Variants in PRIM2 observed in about 807,000 individuals in gnomAD.
PRIM2 encodes the protein DNA primase subunit 2.
Under a neutral mutation model 67.3 loss-of-function variants are expected in PRIM2, and 39 were observed. That is an observed-to-expected ratio of 0.58 (90% CI 0.45 to 0.76). The LOEUF is 0.76. Ranked by LOEUF, PRIM2 falls within the 30% of genes least tolerant of loss-of-function variation. The probability of loss-of-function intolerance (pLI) is 0.00; values close to 1 mark genes in which losing one functional copy is unlikely to be tolerated. For missense variants in PRIM2, 398 were observed against 598.7 expected, an observed-to-expected ratio of 0.66 and a Z score of 3.50; for synonymous variants, 143 against 198.7, an observed-to-expected ratio of 0.72 and a Z score of 2.36.
chr6:57,246,900 G>A, the PRIM2 span, among the ~76,000 whole-genome samples: 1 of 151,292 alleles, frequency 6.6e-6, no homozygotes. Context: ...TGTCGCCCAG[G>A]CTAGAGTGCG....
the PRIM2 span, among the ~76,000 whole-genome samples, chr6:57,299,379 C>G: frequency 6.6e-6 from 1 of 152,118 alleles, no homozygotes; most frequent in African/African-American, 2.4e-5. Context: ...GAAAAAAGGT[C>G]TTTCCCAACC....
intron 9 of PRIM2, among the ~76,000 whole-genome samples, chr6:57,533,507 CAGT>C (rs1581974413): frequency 6.6e-6 from 1 of 152,216 alleles, no homozygotes. Context: ...CTAGAAATAA[CAGT>C]AGGGTTGCCT....
intron 5 of PRIM2, among the ~76,000 whole-genome samples, chr6:57,331,879 T>C (rs1371500072): frequency 1.3e-5 from 2 of 151,944 alleles, no homozygotes; most frequent in African/African-American, 4.8e-5. Flanking sequence ...TTCTGTGTTA[T>C]TCTCTAGACT....
intron 7 of PRIM2, among the ~76,000 whole-genome samples, chr6:57,466,798 C>G (rs1425279293): frequency 6.6e-6 from 1 of 152,146 alleles, no homozygotes; most frequent in Admixed American, 6.5e-5. Context: ...GTTTCTTTTG[C>G]TGTGCAGAAG....
At chr6:57,462,723 G>C (rs1773048674) in intron 7 of PRIM2, among the ~76,000 whole-genome samples, 1 of 152,124 alleles carries the variant, frequency 6.6e-6, no homozygotes, top group Non-Finnish European at 1.5e-5. Context: ...TTGTGATATG[G>C]CTAATGTGCG....
At chr6:57,440,925 C>T (rs1027108200) in intron 7 of PRIM2, among the ~76,000 whole-genome samples, 1 of 152,092 alleles carries the variant, frequency 6.6e-6, no homozygotes, top group Non-Finnish European at 1.5e-5. Context: ...TATAGCAGAA[C>T]AGAAATTATG....
At chr6:57,339,610 A>T (rs2127292541) in intron 5 of PRIM2, among the ~76,000 whole-genome samples, 3 of 152,304 alleles carry the variant, frequency 2.0e-5, no homozygotes, top group African/African-American at 7.2e-5. Context: ...TGGGGAAAGG[A>T]TTCCCTATTT....
At chr6:57,609,556 A>T (rs1221721380) in intron 12 of PRIM2, among the ~76,000 whole-genome samples, 24 of 152,314 alleles carry the variant, frequency 1.6e-4, no homozygotes, top group Middle Eastern at 3.4e-3. Flanking sequence ...CAAGAAAATT[A>T]ATGTTTATAG....
Position 57,462,928 on chromosome 6 carries a change from G to A in PRIM2, c.694-44459G>A, listed in dbSNP as rs4990712. ...GAGAGCTGTTAAAACAAATGTAGTC[G>A]GACATCCCCTGCTACGTGCTACTCT... On this transcript the variant is annotated intron_variant, in intron 7 of 13. Transcript: ENST00000615550. 1.3e-3 allele frequency among the ~76,000 whole-genome samples: 192 copies of A among 152,268 alleles called. 5 individuals are homozygous for A. In the East Asian group the frequency reaches 0.016, roughly 13 times the overall value.
At chr6:57,639,620 A>ACACCT (rs1554359324) in intron 13 of PRIM2, among the ~76,000 whole-genome samples, 97 of 77,924 alleles carry the variant, frequency 1.2e-3, no homozygotes, top group South Asian at 3.2e-3. Flanking sequence ...AATACTGTAA[A>ACACCT]CTAGAAAGTT....
At chr6:57,240,091 G>GT in the PRIM2 span, among the ~76,000 whole-genome samples, 86 of 90,004 alleles carry the variant, frequency 9.6e-4, 2 homozygotes, top group Non-Finnish European at 1.3e-3. Flanking sequence ...TCAATAATCT[G>GT]TTTTTTTTTT....
chr6:57,328,485 A>G (rs1220251816), intron 5 of PRIM2, among the ~76,000 whole-genome samples: 4 of 152,174 alleles, frequency 2.6e-5, no homozygotes, highest in African/African-American at 7.2e-5. Context: ...ACTTAGCATA[A>G]TATTTTCAAG....
At chr6:57,403,900 A>G (rs531986785) in intron 7 of PRIM2, among the ~76,000 whole-genome samples, 1 of 150,064 alleles carries the variant, frequency 6.7e-6, no homozygotes, top group East Asian at 1.9e-4. Context: ...TCAACAACAG[A>G]CTTTTGTCAT....
chr6:57,643,771 A>C (rs1309111872), intron 13 of PRIM2, among the ~76,000 whole-genome samples: 2 of 152,346 alleles, frequency 1.3e-5, no homozygotes, highest in East Asian at 3.9e-4. Context: ...TAAAAAAATG[A>C]AGCAAAGATA....
Position 57,374,303 on chromosome 6 carries a change from A to T in PRIM2, c.460-5598A>T, listed in dbSNP as rs191492456. On this transcript the variant is annotated intron_variant, in intron 5 of 13. Transcript: ENST00000615550. The stretch of plus-strand genomic sequence containing the variant: ...TATTTATTTATTTATTTATTTATTT[A>T]TTTTTTTTGAGACGGAGTTTCGCTC... Among the ~76,000 whole-genome samples the T allele has an allele frequency of 4.5e-3, 629 of 139,672 alleles. 3 individuals are homozygous for T. The highest frequency in any genetic ancestry group is 8.4e-3 in the South Asian group (36 of 4,288). The allele number at this position is 139,672 out of a possible 152,430, so 91.6% of individuals were successfully genotyped here. A position where few individuals can be genotyped will look rare whatever the true frequency, so the allele number is the denominator to read the frequency against.
At chr6:57,600,980 G>C (rs2127491416) in intron 10 of PRIM2, 113 bp from the exon 11 acceptor site, 3 of 977,004 alleles carry the variant, frequency 3.1e-6, no homozygotes, top group East Asian at 5.8e-5. Flanking sequence ...CGTGAATGCT[G>C]AGTTTATTCT....
chr6:57,238,993 A>C, the PRIM2 span, among the ~76,000 whole-genome samples: 2 of 148,390 alleles, frequency 1.3e-5, no homozygotes, highest in Admixed American at 1.3e-4. Context: ...TTCTTTTTTT[A>C]TTTTTTTTTT....
chr6:57,515,877 C>A (rs1191372543), intron 8 of PRIM2, among the ~76,000 whole-genome samples: 3 of 152,178 alleles, frequency 2.0e-5, no homozygotes, highest in Admixed American at 1.3e-4. Context: ...GTCAGCAAGG[C>A]TTTTATATTC....
chr6:57,369,821 T>C (rs1188854577), intron 5 of PRIM2, among the ~76,000 whole-genome samples: 1 of 152,214 alleles, frequency 6.6e-6, no homozygotes, highest in Non-Finnish European at 1.5e-5. Flanking sequence ...GACAAGTTTA[T>C]AGAAACTGCA....
Sources: allele counts gnomAD v4.1 joint callset (sites outside exome capture counted in the v4.1 genomes callset), GRCh38; gene constraint gnomAD v4.1.1; transcripts MANE v1.5; gene names NCBI Gene and HGNC (gene_info 2026-07-23, HGNC 2026-07-21).